MYO5B: variants seen among roughly 807,000 people sequenced by gnomAD.
MYO5B encodes myosin VB.
Under a neutral mutation model 229.3 loss-of-function variants are expected in MYO5B, and 143 were observed. The ratio of observed to expected loss-of-function variants is 0.62; its 90% confidence interval spans 0.54 to 0.72. MYO5B has a LOEUF of 0.72. Ranked by LOEUF, MYO5B falls within the 30% of genes least tolerant of loss-of-function variation. MYO5B has a pLI of 0.00. For synonymous variants in MYO5B, 918 were observed against 885.2 expected (o/e 1.04, Z -0.66); for missense variants, 2,321 against 2,331.0 (o/e 1.00, Z 0.09).
chr18:50,053,949 C>T (rs2030473184), intron 2 of MYO5B, among the ~76,000 whole-genome samples: 1 of 152,194 alleles, frequency 6.6e-6, no homozygotes, highest in South Asian at 2.1e-4. Flanking sequence ...ATCCCAAAGC[C>T]AACCCTTAAT....
At chr18:49,933,363 T>C (rs1490679493) in intron 16 of MYO5B, among the ~76,000 whole-genome samples, 3 of 152,242 alleles carry the variant, frequency 2.0e-5, no homozygotes, top group South Asian at 2.1e-4. Context: ...TTCTGTGGCA[T>C]TGCCAGTTAC....
intron 1 of MYO5B, among the ~76,000 whole-genome samples, chr18:50,129,458 C>G (rs1224123365): frequency 6.6e-6 from 1 of 152,210 alleles, no homozygotes; most frequent in East Asian, 1.9e-4. Flanking sequence ...ATCACTGGAG[C>G]TCTTGTCCAG....
intron 21 of MYO5B, among the ~76,000 whole-genome samples, chr18:49,898,395 T>C (rs138194947): frequency 6.6e-6 from 1 of 152,358 alleles, no homozygotes; most frequent in East Asian, 1.9e-4. Flanking sequence ...CATAAGTGTC[T>C]AAGGAACTTT....
At chr18:49,862,879 C>T (rs2024347502) in intron 29 of MYO5B, among the ~76,000 whole-genome samples, 1 of 151,662 alleles carries the variant, frequency 6.6e-6, no homozygotes. Flanking sequence ...CAGCCCTCTG[C>T]TGCCAGTTAG....
At chr18:50,041,598 G>C (rs1479446554) in intron 2 of MYO5B, among the ~76,000 whole-genome samples, 3 of 151,458 alleles carry the variant, frequency 2.0e-5, no homozygotes, top group African/African-American at 4.8e-5. Flanking sequence ...TAGCCATTTA[G>C]GGAAAAAAAA....
intron 1 of MYO5B, among the ~76,000 whole-genome samples, chr18:50,147,892 T>G (rs553072658): frequency 6.6e-6 from 1 of 152,038 alleles, no homozygotes; most frequent in African/African-American, 2.4e-5. Context: ...TTACCAGCAT[T>G]AGCGGATGTG....
chr18:49,858,742 A>G (rs1257151303), intron 29 of MYO5B, among the ~76,000 whole-genome samples: 1 of 152,222 alleles, frequency 6.6e-6, no homozygotes, highest in Admixed American at 6.5e-5. Flanking sequence ...GACAAAGATA[A>G]AAGTAGAGAA....
intron 18 of MYO5B, among the ~76,000 whole-genome samples, chr18:49,908,970 C>G (rs1023081323): frequency 6.6e-6 from 1 of 152,224 alleles, no homozygotes; most frequent in African/African-American, 2.4e-5. Flanking sequence ...ACCTCACTGA[C>G]AGCCTAACGA....
intron 7 of MYO5B, among the ~76,000 whole-genome samples, chr18:49,989,906 C>T (rs1299792276): frequency 1.3e-5 from 2 of 152,176 alleles, no homozygotes; most frequent in Non-Finnish European, 2.9e-5. Context: ...GATCAGATGG[C>T]CTGGCAGTCC....
At chr18:50,187,146 G>A (rs981741526) in intron 1 of MYO5B, among the ~76,000 whole-genome samples, 8 of 152,132 alleles carry the variant, frequency 5.3e-5, no homozygotes, top group African/African-American at 1.4e-4. Flanking sequence ...CCACACTCAA[G>A]GTGGATATTT....
intron 33 of MYO5B, among the ~76,000 whole-genome samples, chr18:49,846,579 C>T (rs2024130556): frequency 6.6e-6 from 1 of 152,180 alleles, no homozygotes; most frequent in Non-Finnish European, 1.5e-5. Flanking sequence ...TACCACACAG[C>T]ACTTTAAACT....
chr18:49,999,358 G>A (rs889560587), intron 5 of MYO5B, among the ~76,000 whole-genome samples: 3 of 152,236 alleles, frequency 2.0e-5, no homozygotes, highest in Admixed American at 2.0e-4. Flanking sequence ...GGTCTAAGGA[G>A]GCCAAGGCCA....
At chr18:50,162,799 T>C (rs2032788217) in intron 1 of MYO5B, among the ~76,000 whole-genome samples, 1 of 152,192 alleles carries the variant, frequency 6.6e-6, no homozygotes. Flanking sequence ...GTCAGCACAG[T>C]ACTGCCCAAA....
At chr18:49,863,171 T>TG in intron 29 of MYO5B, 56 bp downstream of exon 29, 1 of 1,369,654 alleles carries the variant, frequency 7.3e-7, no homozygotes, top group Non-Finnish European at 1.0e-6. Context: ...CAGACTCGTT[T>TG]GGGCAGGGCC....
rs372515522 is a variant in MYO5B at position 49,900,514 on chromosome 18, C to T, written c.2811+2080G>A. ...GAAAGCCTTGTCTTTTGCAAGAGCA[C>T]GGAAACAGAGGCATTCTATTGCTAT... On this transcript the variant is annotated intron_variant, in intron 21 of 39. Coordinates refer to ENST00000285039, the MANE Select transcript of MYO5B (RefSeq NM_001080467.3). Among the ~76,000 whole-genome samples, 186 of 152,314 alleles carry T rather than the reference C, an allele frequency of 1.2e-3. 2 individuals are homozygous for T. Among genetic ancestry groups the T allele is most frequent in the African/African-American group, 4.2e-3 (175 of 41,568 alleles).
chr18:49,996,094 A>G (rs935298376), intron 5 of MYO5B, among the ~76,000 whole-genome samples: 2 of 152,232 alleles, frequency 1.3e-5, no homozygotes, highest in African/African-American at 4.8e-5. Context: ...TAAGATAGCA[A>G]TAAGACCTTT....
At chr18:50,134,648 T>C (rs1206089242) in intron 1 of MYO5B, among the ~76,000 whole-genome samples, 1 of 152,150 alleles carries the variant, frequency 6.6e-6, no homozygotes, top group Non-Finnish European at 1.5e-5. Flanking sequence ...AGTGATTTCT[T>C]GCATGTAAGA....
At chr18:49,991,313 G>T (rs112777264) in intron 6 of MYO5B, among the ~76,000 whole-genome samples, 116 of 152,286 alleles carry the variant, frequency 7.6e-4, no homozygotes, top group African/African-American at 2.6e-3. Flanking sequence ...AACAGCTGAG[G>T]CAATTCTGAG....
At chr18:49,897,692 A>G (rs927468565) in intron 21 of MYO5B, among the ~76,000 whole-genome samples, 3 of 152,354 alleles carry the variant, frequency 2.0e-5, no homozygotes, top group Non-Finnish European at 4.4e-5. Flanking sequence ...AGTTAAAAGT[A>G]TTATTTATAA....
Sources: allele counts gnomAD v4.1 joint callset (sites outside exome capture counted in the v4.1 genomes callset), GRCh38; gene constraint gnomAD v4.1.1; transcripts MANE v1.5; gene names NCBI Gene and HGNC (gene_info 2026-07-23, HGNC 2026-07-21).